The following GRIN2A variants were observed in gnomAD, a reference collection of about 807,000 sequenced individuals.
GRIN2A encodes the protein glutamate ionotropic receptor NMDA type subunit 2A, also known as glutamate receptor ionotropic, NMDA 2A.
GRIN2A carries 22 observed loss-of-function variants against 113.4 expected under a neutral mutation model. The observed-to-expected ratio is 0.19, with a 90% CI of 0.14 to 0.28. The LOEUF (loss-of-function observed/expected upper bound fraction) is 0.28, where lower values mean the gene tolerates loss of function less well. Ranked by LOEUF, GRIN2A falls within the 10% of genes least tolerant of loss-of-function variation. The pLI is 1.00. For missense variants in GRIN2A, 1,502 were observed against 1,887.0 expected, an observed-to-expected ratio of 0.80 and a Z score of 3.78; for synonymous variants, 827 against 738.4, an observed-to-expected ratio of 1.12 and a Z score of -1.94.
intron 2 of GRIN2A, among the ~76,000 whole-genome samples, chr16:9,969,445 C>T (rs1412285143): frequency 6.6e-6 from 1 of 152,188 alleles, no homozygotes; most frequent in Non-Finnish European, 1.5e-5. Context: ...TTTACTTGGA[C>T]ATTTTATCCA....
chr16:10,111,688 G>A (rs901838557), intron 2 of GRIN2A: 41 of 1,569,610 alleles, frequency 2.6e-5, no homozygotes, highest in Middle Eastern at 2.3e-4. Flanking sequence ...CCAGGCCAAC[G>A]AGGTGCATAA....
chr16:10,172,288 C>G (rs1434669661), intron 2 of GRIN2A, among the ~76,000 whole-genome samples: 1 of 152,158 alleles, frequency 6.6e-6, no homozygotes, highest in Non-Finnish European at 1.5e-5. Context: ...GTTGATTCAT[C>G]ATGGCTGCCT....
intron 2 of GRIN2A, among the ~76,000 whole-genome samples, chr16:10,107,249 T>A (rs1340696635): frequency 6.6e-6 from 1 of 152,146 alleles, no homozygotes; most frequent in Admixed American, 6.5e-5. Context: ...GTCCATGCCA[T>A]TTCAGCACTA....
intron 2 of GRIN2A, among the ~76,000 whole-genome samples, chr16:10,126,737 G>A (rs74006756): frequency 3.9e-5 from 6 of 152,140 alleles, no homozygotes; most frequent in Non-Finnish European, 7.4e-5. Context: ...TCCCTGAAAC[G>A]ACCACAAAGC....
intron 2 of GRIN2A, among the ~76,000 whole-genome samples, chr16:10,084,824 T>C (rs935718694): frequency 2.0e-5 from 3 of 151,880 alleles, no homozygotes; most frequent in African/African-American, 7.3e-5. Context: ...GGATATGGAG[T>C]GAGCTTAATG....
chr16:9,796,797 G>T (rs1422384270), intron 11 of GRIN2A, among the ~76,000 whole-genome samples: 1 of 152,132 alleles, frequency 6.6e-6, no homozygotes, highest in Non-Finnish European at 1.5e-5. Context: ...CACTCAACCT[G>T]CACTACCATG....
At chr16:10,031,869 G>A (rs928846776) in intron 2 of GRIN2A, among the ~76,000 whole-genome samples, 5 of 152,112 alleles carry the variant, frequency 3.3e-5, no homozygotes, top group African/African-American at 9.7e-5. Flanking sequence ...ATTTTTTTCA[G>A]ACCAGACATT....
intron 2 of GRIN2A, among the ~76,000 whole-genome samples, chr16:10,006,354 G>C (rs1326924008): frequency 6.6e-6 from 1 of 152,196 alleles, no homozygotes; most frequent in Non-Finnish European, 1.5e-5. Context: ...GAGAAGAGCT[G>C]TGTGCAAGAC....
intron 2 of GRIN2A, among the ~76,000 whole-genome samples, chr16:10,055,221 T>A (rs1567266638): frequency 6.6e-6 from 1 of 151,806 alleles, no homozygotes. Flanking sequence ...AACACATTTA[T>A]CAGCTTTAGG....
At chr16:10,008,670 C>G (rs1871623528) in intron 2 of GRIN2A, among the ~76,000 whole-genome samples, 1 of 152,160 alleles carries the variant, frequency 6.6e-6, no homozygotes, top group Admixed American at 6.5e-5. Context: ...CAAGGATGTT[C>G]AAGGCATTTT....
At chr16:9,830,232 C>A (rs977215176) in intron 8 of GRIN2A, among the ~76,000 whole-genome samples, 2 of 152,194 alleles carry the variant, frequency 1.3e-5, no homozygotes, top group Non-Finnish European at 1.5e-5. Context: ...GATCTTAATT[C>A]TTCCAACACT....
chr16:10,137,065 T>A (rs2049208890), intron 2 of GRIN2A, among the ~76,000 whole-genome samples: 1 of 152,300 alleles, frequency 6.6e-6, no homozygotes, highest in African/African-American at 2.4e-5. Flanking sequence ...CTGGAGTGCT[T>A]ATCCACAAAT....
At chr16:9,880,370 T>A (rs1022983861) in intron 4 of GRIN2A, among the ~76,000 whole-genome samples, 1 of 151,740 alleles carries the variant, frequency 6.6e-6, no homozygotes, top group Non-Finnish European at 1.5e-5. Flanking sequence ...TGAAACTAAT[T>A]GCAGTTTTCG....
intron 2 of GRIN2A, among the ~76,000 whole-genome samples, chr16:10,028,587 T>G (rs907152969): frequency 1.1e-4 from 17 of 152,196 alleles, no homozygotes; most frequent in African/African-American, 3.9e-4. Context: ...AGCCACAAGA[T>G]AGTGGAGACT....
chr16:10,129,170 G>T (rs7189699), intron 2 of GRIN2A, among the ~76,000 whole-genome samples: 34 of 152,004 alleles, frequency 2.2e-4, no homozygotes, highest in African/African-American at 8.0e-4. Flanking sequence ...CAAATTTCTG[G>T]GCTCAAGTGA....
intron 2 of GRIN2A, among the ~76,000 whole-genome samples, chr16:10,153,659 C>T (rs572803329): frequency 1.5e-3 from 233 of 152,256 alleles, no homozygotes; most frequent in African/African-American, 4.3e-3. Context: ...GAGCTAAGTT[C>T]AGTATACTGA....
chr16:10,080,550 C>T (rs1168284219), intron 2 of GRIN2A, among the ~76,000 whole-genome samples: 4 of 152,170 alleles, frequency 2.6e-5, no homozygotes, highest in Admixed American at 2.6e-4. Flanking sequence ...TTCTTGGAAG[C>T]CGAGCAACAC....
chr16:9,891,420 G>A, intron 3 of GRIN2A, among the ~76,000 whole-genome samples: 1 of 152,200 alleles, frequency 6.6e-6, no homozygotes, highest in East Asian at 1.9e-4. Flanking sequence ...CCTGAAGGAA[G>A]CTGCTTGCTC....
At chr16:10,068,717 T>A (rs2047695113) in intron 2 of GRIN2A, among the ~76,000 whole-genome samples, 2 of 152,152 alleles carry the variant, frequency 1.3e-5, no homozygotes, top group African/African-American at 4.8e-5. Context: ...AGATAATAGA[T>A]AATGTACAAA....
Sources: allele counts gnomAD v4.1 joint callset (sites outside exome capture counted in the v4.1 genomes callset), GRCh38; gene constraint gnomAD v4.1.1; transcripts MANE v1.5; gene names NCBI Gene and HGNC (gene_info 2026-07-23, HGNC 2026-07-21).